The following C5orf24 variants were observed in gnomAD, a reference collection of about 807,000 sequenced individuals.
The protein encoded by C5orf24 is UPF0461 protein C5orf24.
In C5orf24, 4 loss-of-function variants were observed where a neutral mutation model predicts 9.8. The observed-to-expected ratio is 0.41, with a 90% CI of 0.20 to 0.93. The LOEUF is 0.93. Ranked by LOEUF, C5orf24 falls within the 40% of genes least tolerant of loss-of-function variation. C5orf24 has a pLI of 0.33. For synonymous variants in C5orf24, 73 were observed against 81.3 expected, an observed-to-expected ratio of 0.90 and a Z score of 0.55; for missense variants, 170 against 236.9, an observed-to-expected ratio of 0.72 and a Z score of 1.85.
chr5:134,837,998 G>A, the C5orf24 span, among the ~76,000 whole-genome samples: 1 of 152,130 alleles, frequency 6.6e-6, no homozygotes, highest in Non-Finnish European at 1.5e-5. Context: ...TGTAATCCTA[G>A]CACTTTGCGA....
At position 134,855,679 on chromosome 5, in the gene C5orf24, A is replaced by C; in HGVS notation, c.*212A>C. 1 of 1,435,350 alleles carries C rather than the reference A, an allele frequency of 7.0e-7. No homozygotes were observed. The highest frequency in any genetic ancestry group is 9.1e-7 in the Non-Finnish European group (1 of 1,096,584). 88.9% of individuals were successfully genotyped at this position (1,435,350 alleles called of 1,614,324 possible). On this transcript the variant is annotated 3_prime_UTR_variant, in exon 2 of 2. Coordinates refer to ENST00000394976, the MANE Select transcript of C5orf24 (RefSeq NM_001135586.1). ...CGGCATTGTATTTGTACATAGGTTC[A>C]AGTGTAACACCTAACTAAATCATTT...
chr5:134,835,727 C>T, the C5orf24 span, among the ~76,000 whole-genome samples: 1 of 152,034 alleles, frequency 6.6e-6, no homozygotes, highest in South Asian at 2.1e-4. Flanking sequence ...GGGTCTTGCT[C>T]TGTTGCCCAG....
At chr5:134,849,327 G>A (rs758353182) in intron 1 of C5orf24, among the ~76,000 whole-genome samples, 1 of 152,166 alleles carries the variant, frequency 6.6e-6, no homozygotes, top group Non-Finnish European at 1.5e-5. Flanking sequence ...GGAGTGCAGG[G>A]TTAAGCTCAC....
rs201093286 is a variant in C5orf24 at position 134,850,919 on chromosome 5, C to CATATATATATATATAT, written c.-3-3975_-3-3960dup. ...AGTTCTCTGATAGATTATGAATGTTCATATATATATATATATATACACACA... is the reference window on the plus strand; with the variant it reads ...AGTTCTCTGATAGATTATGAATGTTCATATATATATATATATATATATATATATATATATACACACA... On this transcript the variant is annotated intron_variant, in intron 1 of 1. Coordinates refer to ENST00000394976, the MANE Select transcript of C5orf24 (RefSeq NM_001135586.1). Among the ~76,000 whole-genome samples, 190 of 140,468 alleles carry CATATATATATATATAT rather than the reference C, an allele frequency of 1.4e-3. 2 individuals carry two copies. The highest frequency in any genetic ancestry group is 4.6e-3 in the African/African-American group (166 of 36,198). 92.2% of individuals were successfully genotyped at this position (140,468 alleles called of 152,430 possible).
At chr5:134,852,564 C>T (rs1366827330) in intron 1 of C5orf24, among the ~76,000 whole-genome samples, 1 of 152,200 alleles carries the variant, frequency 6.6e-6, no homozygotes, top group Non-Finnish European at 1.5e-5. Flanking sequence ...CTAGGAGTAA[C>T]TGTTTTCATA....
chr5:134,835,580 G>T, the C5orf24 span, among the ~76,000 whole-genome samples: 1 of 152,216 alleles, frequency 6.6e-6, no homozygotes, highest in East Asian at 1.9e-4. Flanking sequence ...CCAGGAGGTG[G>T]AGGTTACAGT....
At chr5:134,844,912 A>AT (rs1201090421), upstream of C5orf24, among the ~76,000 whole-genome samples, 1 of 151,938 alleles carries the variant, frequency 6.6e-6, no homozygotes, top group Non-Finnish European at 1.5e-5. Flanking sequence ...TAATTTTCGT[A>AT]TTTTTAGTAG....
chr5:134,859,262 T>C lies in C5orf24; in HGVS notation c.*3795T>C, dbSNP rs990079407. 2 of 167,026 alleles carry C rather than the reference T, an allele frequency of 1.2e-5. No homozygotes were observed. Among genetic ancestry groups the C allele is most frequent in the South Asian group, 2.1e-4 (1 of 4,828 alleles). 10.3% of individuals were successfully genotyped at this position (167,026 alleles called of 1,614,324 possible). A position where few individuals can be genotyped will look rare whatever the true frequency, so the allele number is the denominator to read the frequency against. On this transcript the variant is annotated 3_prime_UTR_variant, in exon 2 of 2. Transcript: ENST00000394976. ...GAATTCAAAACAGTTTTTCAAAAGA[T>C]TTTTTTCCTTGGACATAAAAAATTT...
chr5:134,859,581 A>G lies in C5orf24; in HGVS notation c.*4114A>G, dbSNP rs1397613937. On this transcript the variant is annotated 3_prime_UTR_variant, in exon 2 of 2. Transcript: ENST00000394976. ...TAATAAGCACGCTGTCCTCTGCTGTAAAAAGTCTGAATAGATACTGTGTAT... is the reference window on the plus strand; with the variant it reads ...TAATAAGCACGCTGTCCTCTGCTGTGAAAAGTCTGAATAGATACTGTGTAT... The G allele has an allele frequency of 6.0e-6, 1 of 167,078 alleles. No homozygotes were observed. The highest frequency in any genetic ancestry group is 1.5e-5 in the Non-Finnish European group (1 of 68,120). 10.3% of individuals were successfully genotyped at this position (167,078 alleles called of 1,614,324 possible).
At position 134,857,465 on chromosome 5, in the gene C5orf24, T is replaced by G; in HGVS notation, c.*1998T>G. The G allele has an allele frequency of 6.7e-7, 1 of 1,493,466 alleles. No homozygotes were observed. Among genetic ancestry groups the G allele is most frequent in the East Asian group, 2.5e-5 (1 of 39,412 alleles). The allele number at this position is 1,493,466 out of a possible 1,614,324, so 92.5% of individuals were successfully genotyped here. On this transcript the variant is annotated 3_prime_UTR_variant, in exon 2 of 2. Coordinates refer to ENST00000394976, the MANE Select transcript of C5orf24 (RefSeq NM_001135586.1). ...TGTTGCATTGTATGTGGGGACTATG[T>G]GCACTGGCGTCTAAGACAGTGACCT...
chr5:134,857,061 A>G lies in C5orf24; in HGVS notation c.*1594A>G, dbSNP rs1388958551. 4.5e-6 allele frequency: 5 copies of G among 1,122,906 alleles called. No homozygotes were observed. The African/African-American group carries it at 8.2e-5, about 18-fold the overall frequency. The allele number at this position is 1,122,906 out of a possible 1,614,324, so 69.6% of individuals were successfully genotyped here. On this transcript the variant is annotated 3_prime_UTR_variant, in exon 2 of 2. Coordinates refer to ENST00000394976, the MANE Select transcript of C5orf24 (RefSeq NM_001135586.1). Reference sequence around the variant, plus strand: ...ATATGTATAGTAGGGACAGAGGGAAATCTTTCTTCTTTCCTTTCTGAAAGT... The same window carrying G: ...ATATGTATAGTAGGGACAGAGGGAAGTCTTTCTTCTTTCCTTTCTGAAAGT...
At chr5:134,849,783 G>A (rs149007885) in intron 1 of C5orf24, among the ~76,000 whole-genome samples, 1,571 of 149,464 alleles carry the variant, frequency 0.011, 17 homozygotes, top group African/African-American at 0.037. Flanking sequence ...TCAGCCTTCC[G>A]AGTAGCTGGG....
chr5:134,835,054 A>AG, the C5orf24 span, among the ~76,000 whole-genome samples: 1 of 151,904 alleles, frequency 6.6e-6, no homozygotes, highest in African/African-American at 2.4e-5. Context: ...AAAAAAAAAA[A>AG]AAATTAGCCG....
chr5:134,849,116 G>A (rs1180478412), intron 1 of C5orf24, among the ~76,000 whole-genome samples: 10 of 151,844 alleles, frequency 6.6e-5, no homozygotes, highest in African/African-American at 1.9e-4. Flanking sequence ...TTAGCTGGGC[G>A]TGGTGGCACA....
chr5:134,854,550 A>G (rs1756256683), intron 1 of C5orf24, among the ~76,000 whole-genome samples: 1 of 152,254 alleles, frequency 6.6e-6, no homozygotes, highest in Non-Finnish European at 1.5e-5. Context: ...CTTTACTATT[A>G]TTCTTTTGAG....
chr5:134,850,378 C>T (rs1212576750), intron 1 of C5orf24, among the ~76,000 whole-genome samples: 2 of 152,052 alleles, frequency 1.3e-5, no homozygotes, highest in African/African-American at 4.8e-5. Flanking sequence ...AACTCCCGAC[C>T]TCAGGTGATC....
At chr5:134,849,758 A>G (rs1437452203) in intron 1 of C5orf24, among the ~76,000 whole-genome samples, 3 of 149,182 alleles carry the variant, frequency 2.0e-5, no homozygotes, top group East Asian at 4.0e-4. Context: ...CCCGGGTTCA[A>G]GCAATTCTGC....
At chr5:134,840,827 C>T (rs1755882083), upstream of C5orf24, among the ~76,000 whole-genome samples, 1 of 152,144 alleles carries the variant, frequency 6.6e-6, no homozygotes. Flanking sequence ...TAAGCCATTG[C>T]ACCTGTCTGG....
intron 1 of C5orf24, among the ~76,000 whole-genome samples, chr5:134,854,438 C>A (rs1756251627): frequency 6.6e-6 from 1 of 152,072 alleles, no homozygotes; most frequent in South Asian, 2.1e-4. Context: ...TGTTGTCAGG[C>A]CAGAAGTATG....
Sources: gnomAD v4.1 joint callset for allele counts (sites outside exome capture counted in the v4.1 genomes callset) on GRCh38, gnomAD v4.1.1 for gene constraint, MANE v1.5 for transcripts, NCBI Gene and HGNC (gene_info 2026-07-23, HGNC 2026-07-21) for gene names.